ADK: variants seen among roughly 807,000 people sequenced by gnomAD.
The protein encoded by ADK is adenosine kinase.
A neutral mutation model predicts 44.7 loss-of-function variants in ADK; 24 were observed. The observed-to-expected ratio is 0.54, with a 90% CI of 0.39 to 0.76. ADK has a LOEUF of 0.76. ADK is among the 30% of genes least tolerant of loss of function. ADK has a pLI of 0.00. For synonymous variants in ADK, 128 were observed against 142.6 expected, an observed-to-expected ratio of 0.90 and a Z score of 0.73; for missense variants, 321 against 425.1, an observed-to-expected ratio of 0.76 and a Z score of 2.15.
chr10:74,278,498 C>A (rs1237078967), intron 3 of ADK, among the ~76,000 whole-genome samples: 2 of 150,408 alleles, frequency 1.3e-5, no homozygotes, highest in Non-Finnish European at 2.9e-5. Flanking sequence ...TTTAAAATTA[C>A]TTTGTCTTAC....
chr10:74,246,592 C>T (rs549252075), intron 3 of ADK, among the ~76,000 whole-genome samples: 1 of 152,296 alleles, frequency 6.6e-6, no homozygotes, highest in South Asian at 2.1e-4. Context: ...CATTATCATG[C>T]CCATTGAATA....
At chr10:74,527,177 C>T (rs1266561815) in intron 7 of ADK, among the ~76,000 whole-genome samples, 4 of 151,976 alleles carry the variant, frequency 2.6e-5, no homozygotes, top group African/African-American at 7.2e-5. Context: ...CTGGCTAACA[C>T]GGTGAAAGCC....
chr10:74,302,121 T>G (rs1840072393), intron 3 of ADK, among the ~76,000 whole-genome samples: 7 of 96,028 alleles, frequency 7.3e-5, no homozygotes, highest in South Asian at 4.2e-4. Context: ...TTTTTTTTTT[T>G]TTTTTTTTTT....
intron 1 of ADK, among the ~76,000 whole-genome samples, chr10:74,189,774 C>T (rs915833055): frequency 2.0e-5 from 3 of 152,136 alleles, no homozygotes; most frequent in Non-Finnish European, 2.9e-5. Context: ...CCTCTAACCC[C>T]TGGCAACCAC....
chr10:74,705,834 G>A (rs1037416382), intron 10 of ADK, among the ~76,000 whole-genome samples: 1 of 152,208 alleles, frequency 6.6e-6, no homozygotes, highest in African/African-American at 2.4e-5. Context: ...CATTCTGCGA[G>A]TGTGCAGTGG....
At chr10:74,426,838 A>G (rs1415155529) in intron 6 of ADK, among the ~76,000 whole-genome samples, 1 of 151,952 alleles carries the variant, frequency 6.6e-6, no homozygotes, top group African/African-American at 2.4e-5. Context: ...ACATGTGCAG[A>G]ATGTACAGGT....
At chr10:74,292,305 C>A (rs184804673) in intron 3 of ADK, among the ~76,000 whole-genome samples, 1 of 152,088 alleles carries the variant, frequency 6.6e-6, no homozygotes, top group African/African-American at 2.4e-5. Flanking sequence ...ATGTGGTAGT[C>A]GGTGTATAGG....
intron 3 of ADK, among the ~76,000 whole-genome samples, chr10:74,226,437 A>G (rs1844544685): frequency 6.6e-6 from 1 of 152,128 alleles, no homozygotes; most frequent in Admixed American, 6.5e-5. Flanking sequence ...AAAGTTTTAA[A>G]CATATGTTAT....
At chr10:74,381,471 A>G (rs1185986507) in intron 4 of ADK, among the ~76,000 whole-genome samples, 2 of 152,228 alleles carry the variant, frequency 1.3e-5, no homozygotes, top group African/African-American at 2.4e-5. Flanking sequence ...GCAGGCTTTT[A>G]TAGTGGAAGA....
intron 4 of ADK, chr10:74,371,507 A>G (rs1592114680): frequency 8.2e-6 from 6 of 732,774 alleles, no homozygotes; most frequent in Non-Finnish European, 1.4e-5. Flanking sequence ...CTGGATTCCC[A>G]TCGTAGCTTA....
chr10:74,655,700 G>GC (rs1394715192), intron 9 of ADK: 1 of 478,350 alleles, frequency 2.1e-6, no homozygotes, highest in Admixed American at 2.5e-5. Context: ...TGGCAGAGCT[G>GC]CCCAGGGAGC....
intron 6 of ADK, among the ~76,000 whole-genome samples, chr10:74,448,028 G>A (rs1485526717): frequency 2.0e-5 from 3 of 151,986 alleles, no homozygotes; most frequent in African/African-American, 7.2e-5. Flanking sequence ...ACAAAAAATG[G>A]CAGACGTGGT....
At chr10:74,629,001 AACGT>A (rs1423764314) in intron 9 of ADK, among the ~76,000 whole-genome samples, 2 of 152,134 alleles carry the variant, frequency 1.3e-5, no homozygotes, top group African/African-American at 4.8e-5. Flanking sequence ...AGATCATCAC[AACGT>A]ACATCTGGAT....
At chr10:74,693,290 T>G (rs1416167141) in intron 10 of ADK, among the ~76,000 whole-genome samples, 2 of 152,194 alleles carry the variant, frequency 1.3e-5, no homozygotes, top group African/African-American at 2.4e-5. Context: ...ATTTTCTGCT[T>G]CATTGTTTTG....
At chr10:74,510,643 A>G (rs1056453673) in intron 6 of ADK, among the ~76,000 whole-genome samples, 2 of 152,174 alleles carry the variant, frequency 1.3e-5, no homozygotes, top group African/African-American at 2.4e-5. Flanking sequence ...TTCCAGATCA[A>G]TGTCCTAAAG....
intron 6 of ADK, among the ~76,000 whole-genome samples, chr10:74,471,516 A>AT (rs1454544930): frequency 1.3e-5 from 2 of 151,974 alleles, no homozygotes; most frequent in East Asian, 1.9e-4. Flanking sequence ...GAATTTTAGA[A>AT]TTTTTTTCTA....
intron 9 of ADK, among the ~76,000 whole-genome samples, chr10:74,614,705 A>G (rs1159697232): frequency 1.3e-5 from 2 of 151,262 alleles, no homozygotes; most frequent in African/African-American, 2.4e-5. Flanking sequence ...TGACAACATA[A>G]GATCCCCCGG....
Position 74,303,585 on chromosome 10 carries a change from GTTGTTTTTTTT to G in ADK, c.195-11079_195-11069del, listed in dbSNP as rs1174894723. ...AAACACTTTTCATATTGGTTTTAAT[GTTGTTTTTTTT>G]TTTTTTTTTTTTTTTTTTGCTAGAA... On this transcript the variant is annotated intron_variant, in intron 3 of 10. Transcript: ENST00000539909. Among the ~76,000 whole-genome samples, 65 of 64,650 alleles carry G rather than the reference GTTGTTTTTTTT, an allele frequency of 1.0e-3. 6 individuals carry two copies. In the South Asian group the frequency reaches 0.02, roughly 20 times the overall value. 42.4% of individuals were successfully genotyped at this position (64,650 alleles called of 152,430 possible).
intron 7 of ADK, among the ~76,000 whole-genome samples, chr10:74,526,765 AT>A (rs1849058643): frequency 6.6e-6 from 1 of 152,252 alleles, no homozygotes; most frequent in South Asian, 2.1e-4. Flanking sequence ...CTGGCAAGAA[AT>A]AGTGGTAATA....
Sources: gnomAD v4.1 joint callset for allele counts (sites outside exome capture counted in the v4.1 genomes callset) on GRCh38, gnomAD v4.1.1 for gene constraint, MANE v1.5 for transcripts, NCBI Gene and HGNC (gene_info 2026-07-23, HGNC 2026-07-21) for gene names.